The following CCDC159 variants were observed in gnomAD, a reference collection of about 807,000 sequenced individuals.
CCDC159 encodes the protein coiled-coil domain containing 159.
In CCDC159, 40 loss-of-function variants were observed where a neutral mutation model predicts 50.9. The ratio of observed to expected loss-of-function variants is 0.79; its 90% CI spans 0.61 to 1.02. The LOEUF (loss-of-function observed/expected upper bound fraction) is 1.02, where lower values mean the gene tolerates loss of function less well. Among genes scored for constraint, CCDC159 ranks in the 50% least tolerant of loss-of-function variants. The pLI is 0.00. For synonymous variants in CCDC159, 146 were observed against 138.9 expected (o/e 1.05, Z -0.36); for missense variants, 356 against 371.5 (o/e 0.96, Z 0.34).
chr19:11,349,379 G>T, intron 1 of CCDC159: 1 of 521,842 alleles, frequency 1.9e-6, no homozygotes, highest in Non-Finnish European at 3.4e-6. Flanking sequence ...ATGAATGGAT[G>T]AAGGAATGAA....
At chr19:11,349,007 T>A in intron 1 of CCDC159, 3 of 1,340,250 alleles carry the variant, frequency 2.2e-6, no homozygotes, top group Non-Finnish European at 2.0e-6. Flanking sequence ...AGCTCACTGG[T>A]CCAGGACTCC....
chr19:11,349,034 G>C (rs1384420557), intron 1 of CCDC159: 3 of 1,341,356 alleles, frequency 2.2e-6, no homozygotes. Context: ...AGAGACCTTG[G>C]GATGCCCTGC....
At chr19:11,348,728 G>T (rs1967403182) in intron 1 of CCDC159, 1 of 482,434 alleles carries the variant, frequency 2.1e-6, no homozygotes, top group Non-Finnish European at 4.2e-6. Context: ...TCTCAAAGCA[G>T]CCCCTGCTTC....
Position 11,353,580 on chromosome 19 carries a change from C to T in CCDC159, c.689+8C>T, listed in dbSNP as rs1319669578. 1.2e-6 allele frequency: 2 copies of T among 1,611,088 alleles called. No individual in the cohort carries two copies. The highest frequency in any genetic ancestry group is 1.3e-5 in the African/African-American group (1 of 74,788). ...GGAACTGAGTGATATATGGTGATGC[C>T]CAGCCTGCAGTCTGACCCCTGACCC... On this transcript the variant is annotated splice_region_variant and intron_variant, in intron 8 of 10. Coordinates refer to ENST00000458408, the MANE Select transcript of CCDC159 (RefSeq NM_001080503.3).
chr19:11,353,769 C>T, intron 8 of CCDC159, 23 bp from the exon 9 acceptor site: 1 of 1,580,816 alleles, frequency 6.3e-7, no homozygotes, highest in Non-Finnish European at 8.6e-7. Flanking sequence ...TCCCAGCGCC[C>T]CCAGCTCCTT....
chr19:11,352,215 G>A (rs1452233957), intron 7 of CCDC159, 82 bp downstream of exon 7: 1 of 1,397,618 alleles, frequency 7.2e-7, no homozygotes, highest in Non-Finnish European at 9.9e-7. Context: ...CATGAGATTG[G>A]AGCCTGGGTT....
intron 1 of CCDC159, 165 bp from the exon 2 acceptor site, chr19:11,349,489 G>A: frequency 1.3e-6 from 1 of 783,098 alleles, no homozygotes; most frequent in South Asian, 1.7e-5. Flanking sequence ...GCCCAAGGGG[G>A]AGGTGCATGA....
rs764968684 is a variant in CCDC159 at position 11,354,654 on chromosome 19, T to C, written c.847T>C (p.Ser283Pro). The change falls in exon 10 of 11, where the codon TCC becomes CCC. Residue 283 changes from serine to proline, a missense_variant. Transcript: ENST00000458408. Reference protein sequence around the residue: ...DSDSDCDQDLSQPPFSKSGRS... With the variant: ...DSDSDCDQDLPQPPFSKSGRS... ...TGACTCCGACTGTGACCAGGACCTC[T>C]CCCAGCCACCTTTCAGCAAGAGCGG... 6.2e-7 allele frequency: 1 copy of C among 1,606,582 alleles called. No individual in the cohort carries two copies. Among genetic ancestry groups the C allele is most frequent in the East Asian group, 2.2e-5 (1 of 44,594 alleles).
chr19:11,351,690 G>A lies in CCDC159; in HGVS notation c.423-216G>A, dbSNP rs1967590909. The A allele has an allele frequency of 1.7e-5, 9 of 515,046 alleles. No individual in the cohort carries two copies. The South Asian group carries it at 2.2e-4, about 13-fold the overall frequency. 31.9% of individuals were successfully genotyped at this position (515,046 alleles called of 1,614,324 possible). A position where few individuals can be genotyped will look rare whatever the true frequency, so the allele number is the denominator to read the frequency against. On this transcript the variant is annotated intron_variant, in intron 5 of 10. Transcript: ENST00000458408. ...GGAGGTGGAGGCCAGGTGATAGGAG[G>A]CTGAGTGGGGTGGGAGAGACTGAGA...
At chr19:11,348,672 T>C (rs1274463830) in intron 1 of CCDC159, 1 of 454,322 alleles carries the variant, frequency 2.2e-6, no homozygotes, top group Admixed American at 2.4e-5. Context: ...GAGGCCTCTC[T>C]GGCATGTCAG....
intron 7 of CCDC159, 199 bp downstream of exon 7, chr19:11,352,332 T>G (rs1419492154): frequency 1.6e-6 from 1 of 611,124 alleles, no homozygotes; most frequent in Non-Finnish European, 2.9e-6. Flanking sequence ...ATAACTCATC[T>G]TGGCTGGGCG....
At chr19:11,351,603 T>C (rs768967906) in intron 5 of CCDC159, 3 of 198,034 alleles carry the variant, frequency 1.5e-5, no homozygotes, top group African/African-American at 4.0e-5. Context: ...GAAAGGGGGA[T>C]GGCAGGGAAG....
intron 7 of CCDC159, among the ~76,000 whole-genome samples, chr19:11,352,991 C>G (rs756725387): frequency 4.6e-5 from 7 of 152,134 alleles, no homozygotes; most frequent in Non-Finnish European, 8.8e-5. Context: ...ACACTCCTCC[C>G]TACCTGATCA....
In CCDC159 at chr19:11,352,129, G is replaced by C; in HGVS notation, c.563G>C (p.Arg188Pro). The change falls in exon 7 of 11, where the codon CGC becomes CCC. Residue 188 changes from arginine (R) to proline (P), a missense_variant. Physicochemically the swap from Arg to Pro is moderately radical, Grantham distance 103 (BLOSUM62 -2). Transcript: ENST00000458408. The stretch of plus-strand genomic sequence containing the variant: ...ATGCAGAAAACGCAGGTGAAATGCC[G>C]CAAAGTGAGTGGAGGAGATGGGGAC... ...QKMQKTQVKC[R>P]KILTKMKQQG... 2 of 1,613,138 alleles carry C rather than the reference G, an allele frequency of 1.2e-6. No homozygotes were observed. Among genetic ancestry groups the C allele is most frequent in the South Asian group, 2.2e-5 (2 of 91,060 alleles).
chr19:11,351,589 A>C, intron 5 of CCDC159: 1 of 242,598 alleles, frequency 4.1e-6, no homozygotes, highest in Non-Finnish European at 8.0e-6. Context: ...AGGCCAGGGG[A>C]TCAGAAAGGG....
chr19:11,350,049 C>G, intron 3 of CCDC159, 23 bp downstream of exon 3: 1 of 1,612,818 alleles, frequency 6.2e-7, no homozygotes, highest in Non-Finnish European at 8.5e-7. Context: ...GGCCCTGCCC[C>G]CAGCAACCTC....
intron 9 of CCDC159, 127 bp from the exon 10 acceptor site, chr19:11,354,453 C>A: frequency 1.1e-6 from 1 of 880,038 alleles, no homozygotes; most frequent in Non-Finnish European, 1.7e-6. Context: ...TGGTGTCACA[C>A]TGGATCACAT....
chr19:11,349,435 G>A, intron 1 of CCDC159: 2 of 607,984 alleles, frequency 3.3e-6, no homozygotes, highest in East Asian at 2.9e-5. Context: ...GGATTTGGCT[G>A]TGATCGTCTC....
intron 7 of CCDC159, 59 bp from the exon 8 acceptor site, chr19:11,353,392 G>T: frequency 6.6e-7 from 1 of 1,512,344 alleles, no homozygotes; most frequent in Non-Finnish European, 8.9e-7. Flanking sequence ...GAGCCACCGC[G>T]CCTGGCACTA....
Sources: allele counts gnomAD v4.1 joint callset (sites outside exome capture counted in the v4.1 genomes callset), GRCh38; gene constraint gnomAD v4.1.1; transcripts MANE v1.5; gene names NCBI Gene and HGNC (gene_info 2026-07-23, HGNC 2026-07-21).